The following ZNF407 variants were observed in gnomAD, a reference collection of about 807,000 sequenced individuals.
ZNF407 encodes the protein zinc finger protein 407.
Under a neutral mutation model 131.2 loss-of-function variants are expected in ZNF407, and 17 were observed. The ratio of observed to expected loss-of-function variants is 0.13; its 90% CI spans 0.09 to 0.19. The LOEUF is 0.19. Among genes scored for constraint, ZNF407 ranks in the 10% least tolerant of loss-of-function variants. ZNF407 has a pLI of 1.00. For missense variants in ZNF407, 2,681 were observed against 2,830.6 expected (o/e 0.95, Z 1.20); for synonymous variants, 1,156 against 1,062.0 (o/e 1.09, Z -1.72).
At chr18:74,672,777 A>G (rs530786367) in intron 3 of ZNF407, among the ~76,000 whole-genome samples, 2 of 152,306 alleles carry the variant, frequency 1.3e-5, no homozygotes, top group Admixed American at 1.3e-4. Flanking sequence ...GGGAAAGTAA[A>G]TATTTTTTAA....
chr18:74,903,254 G>A (rs1022934692), intron 7 of ZNF407, among the ~76,000 whole-genome samples: 7 of 152,128 alleles, frequency 4.6e-5, no homozygotes, highest in Admixed American at 1.3e-4. Context: ...AAAATGTTAC[G>A]TACATCACCT....
chr18:74,811,414 A>G (rs559008006), intron 4 of ZNF407, among the ~76,000 whole-genome samples: 4 of 152,132 alleles, frequency 2.6e-5, no homozygotes, highest in Non-Finnish European at 5.9e-5. Context: ...GAACACTTTT[A>G]CACTGTTGAT....
chr18:74,890,732 A>C (rs866587456), intron 7 of ZNF407, among the ~76,000 whole-genome samples: 6 of 152,214 alleles, frequency 3.9e-5, no homozygotes, highest in South Asian at 2.1e-4. Flanking sequence ...ATAAGTAATT[A>C]TAATACAGAT....
chr18:75,063,970 C>T lies in ZNF407; in HGVS notation c.6249C>T (p.Val2083=), dbSNP rs112161706. 292 of 1,613,618 alleles carry T rather than the reference C, an allele frequency of 1.8e-4. 1 individual carries two copies. In the African/African-American group the frequency reaches 3.5e-3, roughly 19 times the overall value. ...QVAFKKMVQG[V]LQFAVCDTAA... is the part of the protein sequence containing the mutation. ...CCTTCAAGAAGATGGTCCAGGGCGT[C>T]CTCCAGTTTGCTGTGTGTGACACGG... Residue 2083 remains valine (V), a synonymous_variant, in exon 9 of 9, where the codon GTC becomes GTT. Transcript: ENST00000299687. The surrounding 1 kb of genome is among the most constrained non-coding windows in gnomAD (Gnocchi z 6.6).
At chr18:74,837,651 G>A (rs548929563) in intron 4 of ZNF407, among the ~76,000 whole-genome samples, 1 of 148,308 alleles carries the variant, frequency 6.7e-6, no homozygotes, top group African/African-American at 2.5e-5. Flanking sequence ...TTTTTCTTTT[G>A]TATGTAACCT....
At chr18:74,803,306 G>A (rs944410318) in intron 4 of ZNF407, among the ~76,000 whole-genome samples, 16 of 152,164 alleles carry the variant, frequency 1.1e-4, no homozygotes, top group African/African-American at 2.4e-4. Flanking sequence ...CTGGCACTTC[G>A]TCCCTAATGG....
intron 7 of ZNF407, among the ~76,000 whole-genome samples, chr18:74,894,113 C>G (rs534269912): frequency 2.0e-5 from 3 of 152,130 alleles, no homozygotes; most frequent in Non-Finnish European, 4.4e-5. Context: ...TTCAAGTTTG[C>G]ATTATTAATT....
intron 8 of ZNF407, among the ~76,000 whole-genome samples, chr18:75,015,116 T>A (rs1165715598): frequency 2.6e-5 from 4 of 152,230 alleles, no homozygotes; most frequent in African/African-American, 7.2e-5. Flanking sequence ...TGCAGAATAG[T>A]GTGAAAGGGA....
At chr18:74,797,425 G>A (rs1969940807) in intron 4 of ZNF407, among the ~76,000 whole-genome samples, 1 of 152,192 alleles carries the variant, frequency 6.6e-6, no homozygotes, top group Non-Finnish European at 1.5e-5. Context: ...ACCAATGAAT[G>A]GTACCAGTGG....
intron 3 of ZNF407, among the ~76,000 whole-genome samples, chr18:74,696,660 A>G (rs1486067003): frequency 6.6e-6 from 1 of 152,188 alleles, no homozygotes; most frequent in Non-Finnish European, 1.5e-5. Flanking sequence ...ACATACATAG[A>G]CAAATACACA....
At chr18:74,811,478 T>G (rs1406650296) in intron 4 of ZNF407, among the ~76,000 whole-genome samples, 1 of 152,090 alleles carries the variant, frequency 6.6e-6, no homozygotes, top group African/African-American at 2.4e-5. Context: ...ATTCCTCAGG[T>G]ATCTAGTACT....
At chr18:74,654,803 A>T (rs1046484191) in intron 3 of ZNF407, among the ~76,000 whole-genome samples, 2 of 151,810 alleles carry the variant, frequency 1.3e-5, no homozygotes, top group African/African-American at 4.8e-5. Flanking sequence ...CATATTAAAC[A>T]TTTGCTTTAA....
At chr18:74,928,996 A>G (rs921760933) in intron 8 of ZNF407, among the ~76,000 whole-genome samples, 1 of 152,170 alleles carries the variant, frequency 6.6e-6, no homozygotes, top group South Asian at 2.1e-4. Flanking sequence ...AAAGTCCTGA[A>G]TGGCATTCAT....
intron 7 of ZNF407, among the ~76,000 whole-genome samples, chr18:74,915,063 A>C (rs2628109): frequency 0.97 from 147,825 of 152,234 alleles, 71,943 homozygotes; most frequent in East Asian, 1. Flanking sequence ...AGAAAAATTT[A>C]TTAACTCTTT....
At chr18:74,794,784 T>C (rs1334619324) in intron 4 of ZNF407, among the ~76,000 whole-genome samples, 2 of 152,188 alleles carry the variant, frequency 1.3e-5, no homozygotes, top group Admixed American at 6.5e-5. Context: ...CTATGCTTTC[T>C]CATGAGAGAT....
chr18:74,710,389 C>T (rs1388400989), intron 3 of ZNF407, among the ~76,000 whole-genome samples: 1 of 152,192 alleles, frequency 6.6e-6, no homozygotes, highest in Admixed American at 6.5e-5. Flanking sequence ...TACTGTTTGA[C>T]TAGACATGCA....
chr18:74,727,447 G>A (rs1007748607), intron 3 of ZNF407, among the ~76,000 whole-genome samples: 20 of 152,188 alleles, frequency 1.3e-4, no homozygotes, highest in African/African-American at 4.6e-4. Flanking sequence ...ATTATATATC[G>A]TTTGCGTTGA....
At position 74,776,426 on chromosome 18, in the gene ZNF407, A is replaced by G. The variant is rs1043066927; in HGVS notation, c.4803-5002A>G. ...GCCACAGTTCTAGTAGATGTTTTCT[A>G]TGACAGAAATATTTAGTGGTCCGGT... is the stretch of plus-strand genomic sequence containing the variant. On this transcript the variant is annotated intron_variant, in intron 3 of 8. Transcript: ENST00000299687. Among the ~76,000 whole-genome samples the G allele has an allele frequency of 3.3e-5, 5 of 152,340 alleles. No homozygotes were observed. In the East Asian group the frequency reaches 7.7e-4, roughly 24 times the overall value.
intron 3 of ZNF407, among the ~76,000 whole-genome samples, chr18:74,739,573 G>A (rs1331283770): frequency 2.0e-5 from 3 of 151,864 alleles, no homozygotes; most frequent in Admixed American, 6.6e-5. Flanking sequence ...GGGAGAACAT[G>A]CTTTGGACAA....
Sources: allele counts gnomAD v4.1 joint callset (sites outside exome capture counted in the v4.1 genomes callset), GRCh38; gene constraint gnomAD v4.1.1; non-coding constraint Gnocchi (gnomAD v3.1); transcripts MANE v1.5; gene names NCBI Gene and HGNC (gene_info 2026-07-23, HGNC 2026-07-21).